The following PPM1A variants were observed in gnomAD, a reference collection of about 807,000 sequenced individuals.
The protein encoded by PPM1A is protein phosphatase 1A.
PPM1A carries 7 observed loss-of-function variants against 35.0 expected under a neutral mutation model. The ratio of observed to expected loss-of-function variants is 0.20; its 90% CI spans 0.11 to 0.38. The LOEUF (loss-of-function observed/expected upper bound fraction) is 0.38, where lower values mean the gene tolerates loss of function less well. Ranked by LOEUF, PPM1A falls within the 10% of genes least tolerant of loss-of-function variation. PPM1A has a pLI of 1.00. For synonymous variants in PPM1A, 153 were observed against 167.3 expected (o/e 0.91, Z 0.66); for missense variants, 239 against 467.8 (o/e 0.51, Z 4.51).
At chr14:60,257,949 T>C (rs1883325054) in intron 1 of PPM1A, among the ~76,000 whole-genome samples, 1 of 152,202 alleles carries the variant, frequency 6.6e-6, no homozygotes, top group Non-Finnish European at 1.5e-5. Context: ...TGTAAAGCAG[T>C]AGGGTATTAT....
At chr14:60,265,164 G>A (rs1884224445) in intron 1 of PPM1A, among the ~76,000 whole-genome samples, 2 of 152,086 alleles carry the variant, frequency 1.3e-5, no homozygotes, top group Admixed American at 6.6e-5. Flanking sequence ...GGTAACATCA[G>A]GATCAGGCTT....
chr14:60,261,993 A>G (rs974742593), intron 1 of PPM1A, among the ~76,000 whole-genome samples: 1 of 152,202 alleles, frequency 6.6e-6, no homozygotes, highest in Non-Finnish European at 1.5e-5. Flanking sequence ...TAAATTCTGT[A>G]TTCAGTTTCT....
chr14:60,286,538 A>T (rs1411701005), intron 3 of PPM1A: 1 of 985,132 alleles, frequency 1.0e-6, no homozygotes, highest in East Asian at 1.1e-4. Flanking sequence ...CAAGAAAAAA[A>T]TTTTAAAAAT....
chr14:60,247,627 CAAAAAAAAA>C (rs58749853), upstream of PPM1A, among the ~76,000 whole-genome samples: 6 of 50,170 alleles, frequency 1.2e-4, no homozygotes, highest in Non-Finnish European at 1.6e-4. Flanking sequence ...GACTCTGTCT[CAAAAAAAAA>C]AAAAAAAAAA....
chr14:60,265,050 G>A (rs752146022), intron 1 of PPM1A, among the ~76,000 whole-genome samples: 4 of 151,982 alleles, frequency 2.6e-5, no homozygotes, highest in Non-Finnish European at 5.9e-5. Flanking sequence ...GGAAGTTTTT[G>A]TTGTGTTTTC....
intron 1 of PPM1A, among the ~76,000 whole-genome samples, chr14:60,258,465 C>G (rs1034772438): frequency 2.6e-5 from 4 of 152,016 alleles, no homozygotes; most frequent in African/African-American, 9.7e-5. Flanking sequence ...TGTTTTTTCT[C>G]TTTTGTTCCC....
chr14:60,284,532 C>CGCGGGAGGCTGAG lies in PPM1A; in HGVS notation c.834+998_834+1010dup, dbSNP rs1277246273. On this transcript the variant is annotated intron_variant, in intron 2 of 5. Coordinates refer to ENST00000395076, the MANE Select transcript of PPM1A (RefSeq NM_021003.5). Reference sequence around the variant, plus strand: ...TGGCGGGCGCCTGTAGTCCCAGCTACGCGGGAGGCTGAGGCAGGAGAATGG... The same window carrying CGCGGGAGGCTGAG: ...TGGCGGGCGCCTGTAGTCCCAGCTACGCGGGAGGCTGAGGCGGGAGGCTGAGGCAGGAGAATGG... Among the ~76,000 whole-genome samples the CGCGGGAGGCTGAG allele has an allele frequency of 1.0e-3, 154 of 151,260 alleles. 1 individual carries two copies. The highest frequency in any genetic ancestry group is 3.7e-3 in the African/African-American group (152 of 41,244).
chr14:60,284,785 T>C (rs1172355424), intron 2 of PPM1A, among the ~76,000 whole-genome samples: 8 of 150,924 alleles, frequency 5.3e-5, no homozygotes, highest in Non-Finnish European at 1.0e-4. Flanking sequence ...CCTACAGATA[T>C]TATAAATGAC....
chr14:60,272,526 A>C (rs1443147339), intron 1 of PPM1A, among the ~76,000 whole-genome samples: 3 of 151,836 alleles, frequency 2.0e-5, no homozygotes, highest in African/African-American at 7.3e-5. Flanking sequence ...AGCCAACATG[A>C]TGAATCCCCA....
In PPM1A at chr14:60,249,372, G is replaced by A. The variant is rs1232232039; in HGVS notation, c.-326G>A. 1.9e-5 allele frequency: 13 copies of A among 695,566 alleles called. No homozygotes were observed. The African/African-American group carries it at 2.3e-4, about 12-fold the overall frequency. The allele number at this position is 695,566 out of a possible 1,614,324, so 43.1% of individuals were successfully genotyped here. On this transcript the variant is annotated 5_prime_UTR_variant, in exon 1 of 6. Coordinates refer to ENST00000395076, the MANE Select transcript of PPM1A (RefSeq NM_021003.5). The surrounding 1 kb of genome is among the most constrained non-coding windows in gnomAD (Gnocchi z 4.5). ...GTGGTTGGGGAGGGGGGGGTGGGGGGACTCTAGACAGCTGAGGCGCGAAAG... is the reference window on the plus strand; with the variant it reads ...GTGGTTGGGGAGGGGGGGGTGGGGGAACTCTAGACAGCTGAGGCGCGAAAG...
chr14:60,256,327 A>T (rs1595269187), intron 1 of PPM1A, among the ~76,000 whole-genome samples: 1 of 152,168 alleles, frequency 6.6e-6, no homozygotes, highest in Non-Finnish European at 1.5e-5. Context: ...CCAGCTACCC[A>T]GGAGGCTGAG....
In PPM1A at chr14:60,289,715, C is replaced by G. The variant is rs1887425131; in HGVS notation, c.953-91C>G. The G allele has an allele frequency of 5.1e-6, 4 of 781,962 alleles. No homozygotes were observed. Among genetic ancestry groups the G allele is most frequent in the Non-Finnish European group, 8.4e-6 (4 of 474,212 alleles). 48.4% of individuals were successfully genotyped at this position (781,962 alleles called of 1,614,324 possible). A position where few individuals can be genotyped will look rare whatever the true frequency, so the allele number is the denominator to read the frequency against. On this transcript the variant is annotated intron_variant, in intron 3 of 5. Transcript: ENST00000395076. This position sits in a 1 kb window ranked among gnomAD's most constrained non-coding sequence, Gnocchi z 4.1. ...AGAAAAATCTCAGATGTGGTAAATG[C>G]CATCTTTAAAAAGCTAGGTTATCTT...
intron 5 of PPM1A, among the ~76,000 whole-genome samples, chr14:60,291,736 G>A (rs890699967): frequency 2.0e-5 from 3 of 148,564 alleles, no homozygotes; most frequent in African/African-American, 7.4e-5. Context: ...CAGAAGGTTT[G>A]CCTCCACTAC....
At chr14:60,291,314 A>AT (rs1001469672) in intron 4 of PPM1A, 83 bp from the exon 5 acceptor site, 1 of 979,424 alleles carries the variant, frequency 1.0e-6, no homozygotes, top group Non-Finnish European at 1.5e-6. Context: ...TATCTTAGAA[A>AT]TTTTAATAAA....
intron 3 of PPM1A, chr14:60,286,203 C>T (rs896376020): frequency 5.1e-6 from 5 of 986,004 alleles, no homozygotes; most frequent in Non-Finnish European, 6.0e-6. Flanking sequence ...TCATTAGCAA[C>T]TTTATATACA....
intron 1 of PPM1A, among the ~76,000 whole-genome samples, chr14:60,281,941 G>A (rs1248438788): frequency 6.6e-6 from 1 of 151,960 alleles, no homozygotes; most frequent in Non-Finnish European, 1.5e-5. Context: ...AGTACACTTC[G>A]TTATGTATAT....
intron 1 of PPM1A, among the ~76,000 whole-genome samples, chr14:60,262,510 C>G (rs964752122): frequency 1.3e-5 from 2 of 152,078 alleles, no homozygotes; most frequent in African/African-American, 4.8e-5. Flanking sequence ...ACAGTGATAC[C>G]TTGTCTCTAC....
intron 1 of PPM1A, chr14:60,277,339 T>G (rs1236042051): frequency 6.6e-6 from 1 of 152,398 alleles, no homozygotes; most frequent in East Asian, 1.9e-4. Context: ...TCACCAGGAC[T>G]CTACAAATTG....
chr14:60,287,150 A>G (rs1238079310), intron 3 of PPM1A: 1 of 940,868 alleles, frequency 1.1e-6, no homozygotes, highest in African/African-American at 1.8e-5. Flanking sequence ...ATGAAATGGG[A>G]TCCAATTTTA....
Sources: gnomAD v4.1 joint callset for allele counts (sites outside exome capture counted in the v4.1 genomes callset) on GRCh38, gnomAD v4.1.1 for gene constraint, Gnocchi (gnomAD v3.1) non-coding constraint, MANE v1.5 for transcripts, NCBI Gene and HGNC (gene_info 2026-07-23, HGNC 2026-07-21) for gene names.